The following PEA15 variants were observed in gnomAD, a reference collection of about 807,000 sequenced individuals.
PEA15 encodes the protein proliferation and apoptosis adaptor protein 15.
For missense variants in PEA15, 77 were observed against 161.3 expected, an observed-to-expected ratio of 0.48 and a Z score of 2.83; for synonymous variants, 60 against 61.8, an observed-to-expected ratio of 0.97 and a Z score of 0.13.
At chr1:160,206,552 A>AG (rs1329465059) in intron 1 of PEA15, among the ~76,000 whole-genome samples, 2 of 151,748 alleles carry the variant, frequency 1.3e-5, no homozygotes, top group Non-Finnish European at 2.9e-5. Context: ...ATGGAGGAGG[A>AG]GGGGGTGGAA....
At position 160,213,917 on chromosome 1, in the gene PEA15, T is replaced by G; in HGVS notation, c.*431T>G. ...GGTAGGTGGATCCAGGGAAAAGCAG[T>G]GGGGACGGAAGGCAAAGAGACCACT... On this transcript the variant is annotated 3_prime_UTR_variant, in exon 4 of 4. Transcript: ENST00000360472. This position sits in a 1 kb window ranked among gnomAD's most constrained non-coding sequence, Gnocchi z 5.3. 1 of 190,532 alleles carries G rather than the reference T, an allele frequency of 5.2e-6. No homozygotes were observed. Among genetic ancestry groups the G allele is most frequent in the Non-Finnish European group, 1.1e-5 (1 of 90,244 alleles). 11.8% of individuals were successfully genotyped at this position (190,532 alleles called of 1,614,324 possible). A position where few individuals can be genotyped will look rare whatever the true frequency, so the allele number is the denominator to read the frequency against.
intron 1 of PEA15, 27 bp from the exon 2 acceptor site, chr1:160,211,516 T>C: frequency 6.3e-7 from 1 of 1,591,902 alleles, no homozygotes; most frequent in Non-Finnish European, 8.6e-7. Flanking sequence ...GCTCAACTCC[T>C]ATCCCTTTGT....
rs1250481209 is a variant in PEA15 at position 160,205,584 on chromosome 1, G to C, written c.-3+62G>C. The C allele has an allele frequency of 6.5e-6, 1 of 153,764 alleles. No homozygotes were observed. The highest frequency in any genetic ancestry group is 6.5e-5 in the Admixed American group (1 of 15,292). 9.5% of individuals were successfully genotyped at this position (153,764 alleles called of 1,614,324 possible). A position where few individuals can be genotyped will look rare whatever the true frequency, so the allele number is the denominator to read the frequency against. The stretch of plus-strand genomic sequence containing the variant: ...GGGCAGATTTCGGGGTCTAGGCTTG[G>C]AGGGGCAACGATCTGGGACACCGGG... On this transcript the variant is annotated intron_variant, in intron 1 of 3. Coordinates refer to ENST00000360472, the MANE Select transcript of PEA15 (RefSeq NM_003768.5). The surrounding 1 kb of genome is among the most constrained non-coding windows in gnomAD (Gnocchi z 5.9).
rs772483139 is a variant in PEA15, at chr1:160,213,307, C to G, written c.328+42C>G. On this transcript the variant is annotated intron_variant, in intron 3 of 3. Coordinates refer to ENST00000360472, the MANE Select transcript of PEA15 (RefSeq NM_003768.5). This position sits in a 1 kb window ranked among gnomAD's most constrained non-coding sequence, Gnocchi z 5.3. ...TTAACTAGCTGCACCTCTGCCTCGT[C>G]CCGTTGACTATCCTTGGAGTACTTG... 1 of 1,613,816 alleles carries G rather than the reference C, an allele frequency of 6.2e-7. No individual in the cohort carries two copies. Among genetic ancestry groups the G allele is most frequent in the Non-Finnish European group, 8.5e-7 (1 of 1,179,732 alleles).
At chr1:160,212,204 G>A (rs1219864546) in intron 2 of PEA15, among the ~76,000 whole-genome samples, 1 of 134,114 alleles carries the variant, frequency 7.5e-6, no homozygotes. Context: ...CCTCACAGCT[G>A]GAGGCTTTAG....
chr1:160,210,896 A>G (rs745499905), intron 1 of PEA15, among the ~76,000 whole-genome samples: 2 of 152,128 alleles, frequency 1.3e-5, no homozygotes, highest in African/African-American at 2.4e-5. Flanking sequence ...CCCACCTCGA[A>G]CCCTAATGAC....
intron 1 of PEA15, among the ~76,000 whole-genome samples, chr1:160,210,888 C>T (rs1342952689): frequency 6.6e-6 from 1 of 152,168 alleles, no homozygotes; most frequent in African/African-American, 2.4e-5. Flanking sequence ...TTGCTTCCCC[C>T]ACCTCGAACC....
At chr1:160,210,781 G>A (rs1388808472) in intron 1 of PEA15, among the ~76,000 whole-genome samples, 3 of 152,236 alleles carry the variant, frequency 2.0e-5, no homozygotes, top group Non-Finnish European at 4.4e-5. Flanking sequence ...GGGCACGGGG[G>A]CTGCAGGCAC....
At chr1:160,212,941 G>C (rs1322137015) in intron 2 of PEA15, among the ~76,000 whole-genome samples, 169 bp from the exon 3 acceptor site, 1 of 152,016 alleles carries the variant, frequency 6.6e-6, no homozygotes, top group Non-Finnish European at 1.5e-5. Flanking sequence ...TTGTTGTTTG[G>C]GTACCTTAGC....
intron 1 of PEA15, among the ~76,000 whole-genome samples, chr1:160,209,510 G>GACACACACAC (rs111598251): frequency 1.4e-5 from 2 of 146,614 alleles, no homozygotes; most frequent in African/African-American, 5.0e-5. Flanking sequence ...AACTCCTCCC[G>GACACACACAC]ACACACACAC....
rs879484178 is a variant in PEA15 at position 160,215,199 on chromosome 1, G to C, written c.*1713G>C. 4 of 152,258 alleles carry C rather than the reference G, an allele frequency of 2.6e-5. No homozygotes were observed. The highest frequency in any genetic ancestry group is 5.9e-5 in the Non-Finnish European group (4 of 68,010). The allele number at this position is 152,258 out of a possible 1,614,324, so 9.4% of individuals were successfully genotyped here. A position where few individuals can be genotyped will look rare whatever the true frequency, so the allele number is the denominator to read the frequency against. ...GGAAGAAATGGGAGAAGAGAGACAG[G>C]GTTCTTTTCAGCAGAGTCTAGTAGT... is the stretch of plus-strand genomic sequence containing the variant. On this transcript the variant is annotated 3_prime_UTR_variant, in exon 4 of 4. Transcript: ENST00000360472.
In PEA15 at chr1:160,213,377, A is replaced by T; in HGVS notation, c.329-45A>T. 3 of 1,611,388 alleles carry T rather than the reference A, an allele frequency of 1.9e-6. No individual in the cohort carries two copies. The highest frequency in any genetic ancestry group is 2.5e-6 in the Non-Finnish European group (3 of 1,177,514). On this transcript the variant is annotated intron_variant, in intron 3 of 3. Transcript: ENST00000360472. The surrounding 1 kb of genome is among the most constrained non-coding windows in gnomAD (Gnocchi z 5.3). ...CAGATGCCCAATGGGCCTGCCTGGC[A>T]TCTCCCACACTGCTGTCCCTGGACA...
In PEA15 at chr1:160,213,992, C is replaced by T. The variant is rs928747982; in HGVS notation, c.*506C>T. ...GAAAAGCCAGAGTTCCATGTTTGTA[C>T]TCCTGTGCTGGACTGTTTCCTGAGT... On this transcript the variant is annotated 3_prime_UTR_variant, in exon 4 of 4. Transcript: ENST00000360472. This position sits in a 1 kb window ranked among gnomAD's most constrained non-coding sequence, Gnocchi z 5.3. 5.6e-6 allele frequency: 1 copy of T among 177,958 alleles called. No individual in the cohort carries two copies. The highest frequency in any genetic ancestry group is 2.4e-5 in the African/African-American group (1 of 42,020). 11.0% of individuals were successfully genotyped at this position (177,958 alleles called of 1,614,324 possible).
rs368261609 is a variant in PEA15, at chr1:160,208,691, G to T, written c.-2-2852G>T. Reference sequence around the variant, plus strand: ...GTACAACTGTTGATCAGTGAGAATTGAGAGCAGTTCCCCTAAACAACACTC... The same window carrying T: ...GTACAACTGTTGATCAGTGAGAATTTAGAGCAGTTCCCCTAAACAACACTC... On this transcript the variant is annotated intron_variant, in intron 1 of 3. Transcript: ENST00000360472. This position sits in a 1 kb window ranked among gnomAD's most constrained non-coding sequence, Gnocchi z 4.1. The T allele has an allele frequency of 6.5e-7, 1 of 1,537,904 alleles. No homozygotes were observed. Among genetic ancestry groups the T allele is most frequent in the Admixed American group, 2.0e-5 (1 of 50,964 alleles).
chr1:160,210,240 G>T (rs558959193), intron 1 of PEA15, among the ~76,000 whole-genome samples: 2 of 152,354 alleles, frequency 1.3e-5, no homozygotes, highest in South Asian at 2.1e-4. Flanking sequence ...CCAGCCTAAT[G>T]CTGGGGTGAT....
chr1:160,206,653 C>T (rs938823166), intron 1 of PEA15, among the ~76,000 whole-genome samples: 1 of 152,060 alleles, frequency 6.6e-6, no homozygotes, highest in African/African-American at 2.4e-5. Flanking sequence ...GAGAAGCAGA[C>T]AGACATCTCC....
Position 160,208,985 on chromosome 1 carries a change from G to A in PEA15, c.-2-2558G>A, listed in dbSNP as rs564078271. The A allele has an allele frequency of 5.5e-5, 15 of 274,142 alleles. 1 individual carries two copies. Among genetic ancestry groups the A allele is most frequent in the African/African-American group, 8.8e-5 (4 of 45,632 alleles). 17.0% of individuals were successfully genotyped at this position (274,142 alleles called of 1,614,324 possible). A position where few individuals can be genotyped will look rare whatever the true frequency, so the allele number is the denominator to read the frequency against. ...TGGACTGTATGCTCTCCTCCCCCTCGCCCCCCATGCCTCATTTGCAGCCTT... is the reference window on the plus strand; with the variant it reads ...TGGACTGTATGCTCTCCTCCCCCTCACCCCCCATGCCTCATTTGCAGCCTT... On this transcript the variant is annotated intron_variant, in intron 1 of 3. Coordinates refer to ENST00000360472, the MANE Select transcript of PEA15 (RefSeq NM_003768.5). This position sits in a 1 kb window ranked among gnomAD's most constrained non-coding sequence, Gnocchi z 4.1.
At chr1:160,212,469 T>C (rs943829332) in intron 2 of PEA15, among the ~76,000 whole-genome samples, 9 of 152,058 alleles carry the variant, frequency 5.9e-5, no homozygotes, top group Non-Finnish European at 1.3e-4. Flanking sequence ...AGATATACTA[T>C]TCTGACTGCT....
At chr1:160,207,073 G>C (rs1455613641) in intron 1 of PEA15, 1 of 152,410 alleles carries the variant, frequency 6.6e-6, no homozygotes, top group Non-Finnish European at 1.5e-5. Context: ...CAGCTGGTAG[G>C]CAGCCAACCA....
Sources: allele counts gnomAD v4.1 joint callset (sites outside exome capture counted in the v4.1 genomes callset), GRCh38; gene constraint gnomAD v4.1.1; non-coding constraint Gnocchi (gnomAD v3.1); transcripts MANE v1.5; gene names NCBI Gene and HGNC (gene_info 2026-07-23, HGNC 2026-07-21).